CSMD1: variants seen among roughly 807,000 people sequenced by gnomAD.
The protein encoded by CSMD1 is CUB and sushi domain-containing protein 1.
Under a neutral mutation model 417.5 loss-of-function variants are expected in CSMD1, and 213 were observed. That is an observed-to-expected ratio of 0.51 (90% CI 0.46 to 0.57). The LOEUF (loss-of-function observed/expected upper bound fraction) is 0.57, where lower values mean the gene tolerates loss of function less well. CSMD1 is among the 20% of genes least tolerant of loss of function. The pLI is 0.00. For missense variants in CSMD1, 6,923 were observed against 4,529.7 expected, an observed-to-expected ratio of 1.53 and a Z score of -15.17; for synonymous variants, 2,862 against 1,736.8, an observed-to-expected ratio of 1.65 and a Z score of -16.11.
chr8:3,341,609 C>T lies in CSMD1; in HGVS notation c.3631+1685G>A, dbSNP rs546873855. 1.1e-4 allele frequency among the ~76,000 whole-genome samples: 16 copies of T among 152,122 alleles called. No individual in the cohort carries two copies. In the East Asian group the frequency reaches 3.1e-3, roughly 30 times the overall value. On this transcript the variant is annotated intron_variant, in intron 23 of 69. Coordinates refer to ENST00000635120, the MANE Select transcript of CSMD1 (RefSeq NM_033225.6). ...ATTGCAGCAGTGTTGAGAGTGAGGT[C>T]CCAGGAGAGAGGGAGGATCCCAGGC...
chr8:3,786,634 C>A (rs1799470896), intron 5 of CSMD1, among the ~76,000 whole-genome samples: 1 of 152,148 alleles, frequency 6.6e-6, no homozygotes, highest in African/African-American at 2.4e-5. Context: ...AATCTAGCAT[C>A]TTAGTTCACT....
At chr8:3,934,191 G>A (rs1363907255) in intron 5 of CSMD1, among the ~76,000 whole-genome samples, 1 of 152,132 alleles carries the variant, frequency 6.6e-6, no homozygotes, top group East Asian at 1.9e-4. Flanking sequence ...GCTAAACCAT[G>A]ATCTTAATTT....
At chr8:3,247,516 C>T (rs17319617) in intron 26 of CSMD1, among the ~76,000 whole-genome samples, 7 of 152,204 alleles carry the variant, frequency 4.6e-5, no homozygotes, top group South Asian at 2.1e-4. Context: ...TCCAACCCTA[C>T]GAGGCAAGCT....
At chr8:3,066,446 G>C (rs1585263738) in intron 49 of CSMD1, among the ~76,000 whole-genome samples, 1 of 152,130 alleles carries the variant, frequency 6.6e-6, no homozygotes, top group Non-Finnish European at 1.5e-5. Flanking sequence ...CATTTGAACA[G>C]ACCCTGCAGC....
chr8:4,579,661 C>T (rs189456179), intron 2 of CSMD1, among the ~76,000 whole-genome samples: 1 of 152,196 alleles, frequency 6.6e-6, no homozygotes, highest in African/African-American at 2.4e-5. Flanking sequence ...CATGCCCGGC[C>T]TTAAACCTAT....
chr8:3,787,690 G>A (rs923839325), intron 5 of CSMD1, among the ~76,000 whole-genome samples: 2 of 152,114 alleles, frequency 1.3e-5, no homozygotes, highest in African/African-American at 4.8e-5. Flanking sequence ...ATTATTGTAA[G>A]TTTTCACACA....
chr8:4,096,108 G>A (rs1446977352), intron 3 of CSMD1, among the ~76,000 whole-genome samples: 2 of 152,060 alleles, frequency 1.3e-5, no homozygotes, highest in Non-Finnish European at 2.9e-5. Context: ...GTTGTTGGAT[G>A]GTTCCTCAAA....
chr8:3,231,580 T>C (rs1798842136), intron 26 of CSMD1, among the ~76,000 whole-genome samples: 1 of 152,152 alleles, frequency 6.6e-6, no homozygotes, highest in Admixed American at 6.5e-5. Context: ...AGTTAGAAGA[T>C]ATATAAAAAA....
chr8:4,323,179 T>C (rs1462831617), intron 3 of CSMD1, among the ~76,000 whole-genome samples: 3 of 152,224 alleles, frequency 2.0e-5, no homozygotes, highest in African/African-American at 4.8e-5. Context: ...TATACAATTC[T>C]AATTTCCAGT....
intron 12 of CSMD1, among the ~76,000 whole-genome samples, chr8:3,412,914 C>G (rs1296024181): frequency 6.6e-6 from 1 of 152,182 alleles, no homozygotes; most frequent in East Asian, 1.9e-4. Flanking sequence ...TTGTTGTGGG[C>G]TCTCCATTGG....
chr8:3,572,556 C>T lies in CSMD1; in HGVS notation c.1344+2389G>A, dbSNP rs140540249. Among the ~76,000 whole-genome samples the T allele has an allele frequency of 8.3e-3, 1,257 of 152,298 alleles. 23 individuals are homozygous for T. The highest frequency in any genetic ancestry group is 0.029 in the African/African-American group (1,204 of 41,558). ...CTCATAAAACTACCTGGAACATACACAGGTTAACTAAACCATTCCCTTGAT... is the reference window on the plus strand; with the variant it reads ...CTCATAAAACTACCTGGAACATACATAGGTTAACTAAACCATTCCCTTGAT... On this transcript the variant is annotated intron_variant, in intron 10 of 69. Coordinates refer to ENST00000635120, the MANE Select transcript of CSMD1 (RefSeq NM_033225.6).
chr8:4,994,267 C>G (rs1458814120), intron 1 of CSMD1, 65 bp downstream of exon 1: 1 of 1,471,772 alleles, frequency 6.8e-7, no homozygotes, highest in South Asian at 1.2e-5. Context: ...AACGCACACT[C>G]GCGTCCGCAC....
intron 5 of CSMD1, among the ~76,000 whole-genome samples, chr8:3,868,644 T>A (rs1031759948): frequency 6.6e-6 from 1 of 152,102 alleles, no homozygotes; most frequent in Non-Finnish European, 1.5e-5. Flanking sequence ...TTCCTAATAT[T>A]TCTCCTCAAA....
rs1563087047 is a variant in CSMD1 at position 3,795,119 on chromosome 8, TCTATCATGTACAGCTATAG to T, written c.819-41096_819-41078del. Among the ~76,000 whole-genome samples, 554 of 73,878 alleles carry T rather than the reference TCTATCATGTACAGCTATAG, an allele frequency of 7.5e-3. 31 individuals are homozygous for T. Among genetic ancestry groups the T allele is most frequent in the Middle Eastern group, 0.015 (1 of 66 alleles). 48.5% of individuals were successfully genotyped at this position (73,878 alleles called of 152,430 possible). A position where few individuals can be genotyped will look rare whatever the true frequency, so the allele number is the denominator to read the frequency against. On this transcript the variant is annotated intron_variant, in intron 5 of 69. Coordinates refer to ENST00000635120, the MANE Select transcript of CSMD1 (RefSeq NM_033225.6). ...TATCTATCATGTACAGCTATAGATA[TCTATCATGTACAGCTATAG>T]ATATCTATCATGTACAGCTATAGAT...
At chr8:3,951,151 C>G (rs1409334886) in intron 5 of CSMD1, among the ~76,000 whole-genome samples, 1 of 152,126 alleles carries the variant, frequency 6.6e-6, no homozygotes, top group Non-Finnish European at 1.5e-5. Context: ...GTTTGTTTTA[C>G]AAAGACAGAA....
chr8:4,719,851 A>G (rs1487840908), intron 1 of CSMD1, among the ~76,000 whole-genome samples: 2 of 152,176 alleles, frequency 1.3e-5, no homozygotes, highest in African/African-American at 2.4e-5. Context: ...TTAAAGTAGT[A>G]TAAAATATGG....
intron 3 of CSMD1, among the ~76,000 whole-genome samples, chr8:4,164,890 A>AT (rs35804154): frequency 0.057 from 8,510 of 150,284 alleles, 398 homozygotes; most frequent in Admixed American, 0.13. Flanking sequence ...GAAAAAAAAA[A>AT]ATATATATAT....
intron 12 of CSMD1, among the ~76,000 whole-genome samples, chr8:3,417,803 G>A (rs1316106654): frequency 1.3e-5 from 2 of 151,816 alleles, no homozygotes; most frequent in Non-Finnish European, 2.9e-5. Flanking sequence ...CAAGATTGCA[G>A]CACATAAATG....
intron 2 of CSMD1, among the ~76,000 whole-genome samples, chr8:4,442,447 T>C (rs1798540325): frequency 6.6e-6 from 1 of 152,188 alleles, no homozygotes; most frequent in Non-Finnish European, 1.5e-5. Flanking sequence ...GTTCTATAAA[T>C]ACATCTACTT....
Sources: gnomAD v4.1 joint callset for allele counts (sites outside exome capture counted in the v4.1 genomes callset) on GRCh38, gnomAD v4.1.1 for gene constraint, MANE v1.5 for transcripts, NCBI Gene and HGNC (gene_info 2026-07-23, HGNC 2026-07-21) for gene names.